The following ELAPOR1 variants were observed in gnomAD, a reference collection of about 807,000 sequenced individuals.
The protein encoded by ELAPOR1 is endosome/lysosome-associated apoptosis and autophagy regulator 1.
ELAPOR1 carries 77 observed loss-of-function variants against 119.7 expected under a neutral mutation model. The observed-to-expected ratio is 0.64, with a 90% CI of 0.54 to 0.78. The LOEUF (loss-of-function observed/expected upper bound fraction) is 0.78. Among genes scored for constraint, ELAPOR1 ranks in the 30% least tolerant of loss-of-function variants. The pLI is 0.00. For synonymous variants in ELAPOR1, 481 were observed against 487.2 expected, an observed-to-expected ratio of 0.99 and a Z score of 0.17; for missense variants, 1,115 against 1,270.4, an observed-to-expected ratio of 0.88 and a Z score of 1.86.
At chr1:109,116,435 C>T (rs1306568105) in intron 1 of ELAPOR1, among the ~76,000 whole-genome samples, 2 of 152,212 alleles carry the variant, frequency 1.3e-5, no homozygotes, top group Non-Finnish European at 2.9e-5. Flanking sequence ...TAGATCCACA[C>T]CCCATGCCAG....
chr1:109,171,306 T>C (rs758633309), intron 3 of ELAPOR1, among the ~76,000 whole-genome samples: 32 of 152,010 alleles, frequency 2.1e-4, no homozygotes, highest in Non-Finnish European at 2.5e-4. Flanking sequence ...CCAGCCCTTT[T>C]TGAGGCCGAG....
intron 8 of ELAPOR1, chr1:109,187,879 C>T (rs975582285): frequency 5.5e-6 from 6 of 1,100,712 alleles, no homozygotes; most frequent in East Asian, 5.4e-5. Context: ...ACAGTGGAAT[C>T]GGAGCTTTCT....
intron 7 of ELAPOR1, among the ~76,000 whole-genome samples, 154 bp downstream of exon 7, chr1:109,173,991 C>A (rs1652083605): frequency 6.9e-6 from 1 of 144,162 alleles, no homozygotes; most frequent in Admixed American, 7.0e-5. Context: ...CTTGCCAATC[C>A]ATATATCCAT....
chr1:109,125,364 G>A (rs1429601192), intron 1 of ELAPOR1, among the ~76,000 whole-genome samples: 1 of 150,824 alleles, frequency 6.6e-6, no homozygotes, highest in Non-Finnish European at 1.5e-5. Context: ...GAACCAACAT[G>A]CCTGGCCAAG....
chr1:109,141,497 G>A (rs968250088), intron 1 of ELAPOR1, among the ~76,000 whole-genome samples: 1 of 151,728 alleles, frequency 6.6e-6, no homozygotes, highest in African/African-American at 2.4e-5. Context: ...TCCTGACATC[G>A]TGATCTGCCC....
At chr1:109,120,593 A>G (rs1648342426) in intron 1 of ELAPOR1, among the ~76,000 whole-genome samples, 1 of 152,008 alleles carries the variant, frequency 6.6e-6, no homozygotes, top group Non-Finnish European at 1.5e-5. Context: ...TTTATAAATT[A>G]CCTAGTCTAT....
chr1:109,170,723 C>T lies in ELAPOR1; in HGVS notation c.468-1143C>T, dbSNP rs78523777. Among the ~76,000 whole-genome samples the T allele has an allele frequency of 8.0e-3, 1,215 of 152,300 alleles. 17 individuals carry two copies. Among genetic ancestry groups the T allele is most frequent in the African/African-American group, 0.022 (921 of 41,558 alleles). On this transcript the variant is annotated intron_variant, in intron 3 of 21. Coordinates refer to ENST00000369939, the MANE Select transcript of ELAPOR1 (RefSeq NM_020775.5). ...GAAGCAAGGGAGTGCCATGGTCAGACGTCTATTCTGGAGGATCTGTCCGCT... is the reference window on the plus strand; with the variant it reads ...GAAGCAAGGGAGTGCCATGGTCAGATGTCTATTCTGGAGGATCTGTCCGCT...
chr1:109,124,447 A>G (rs1435320622), intron 1 of ELAPOR1, among the ~76,000 whole-genome samples: 3 of 152,190 alleles, frequency 2.0e-5, no homozygotes, highest in Non-Finnish European at 4.4e-5. Flanking sequence ...ATATAATATA[A>G]TTTATATAAC....
At chr1:109,116,970 CG>C (rs1345604407) in intron 1 of ELAPOR1, among the ~76,000 whole-genome samples, 1 of 152,184 alleles carries the variant, frequency 6.6e-6, no homozygotes, top group African/African-American at 2.4e-5. Context: ...GGACTGCAGG[CG>C]TGAGTCACTG....
chr1:109,148,149 A>T (rs1464585736), intron 1 of ELAPOR1, among the ~76,000 whole-genome samples: 2 of 129,756 alleles, frequency 1.5e-5, no homozygotes, highest in Non-Finnish European at 3.3e-5. Flanking sequence ...TTTTATTATT[A>T]TTTTTTTGAC....
intron 8 of ELAPOR1, among the ~76,000 whole-genome samples, chr1:109,185,783 A>C (rs1221623730): frequency 6.6e-6 from 1 of 151,708 alleles, no homozygotes; most frequent in African/African-American, 2.4e-5. Context: ...AGGCAACCAG[A>C]GGGATGTGCA....
At chr1:109,202,671 C>T (rs533872559) in intron 21 of ELAPOR1, among the ~76,000 whole-genome samples, 2 of 152,268 alleles carry the variant, frequency 1.3e-5, no homozygotes, top group East Asian at 3.9e-4. Flanking sequence ...GAACTCCTAA[C>T]CTCAGGTGAT....
chr1:109,198,474 C>T, intron 17 of ELAPOR1, 99 bp from the exon 18 acceptor site: 4 of 1,092,942 alleles, frequency 3.7e-6, no homozygotes, highest in Non-Finnish European at 4.0e-6. Context: ...GTCCTGACTT[C>T]CCCAGCAAGG....
chr1:109,162,892 T>G (rs1427803045), intron 2 of ELAPOR1, among the ~76,000 whole-genome samples: 1 of 152,232 alleles, frequency 6.6e-6, no homozygotes, highest in African/African-American at 2.4e-5. Flanking sequence ...GATGTGCACA[T>G]GCAGTGTGAA....
rs751739164 is a variant in ELAPOR1, at chr1:109,189,576, C to A, written c.1349-16C>A. 1.6e-5 allele frequency: 25 copies of A among 1,611,768 alleles called. No homozygotes were observed. Among genetic ancestry groups the A allele is most frequent in the Admixed American group, 8.3e-5 (5 of 59,994 alleles). On this transcript the variant is annotated splice_polypyrimidine_tract_variant and intron_variant, in intron 10 of 21. Transcript: ENST00000369939. ...CCCAAGAGCACAAGGCATTAACTCT[C>A]CTCTTTCCTTTTCAGGCTGGGAGGT...
chr1:109,202,965 T>C lies in ELAPOR1; in HGVS notation c.2995T>C (p.Ser999Pro). 1 of 1,613,808 alleles carries C rather than the reference T, an allele frequency of 6.2e-7. No individual in the cohort carries two copies. The highest frequency in any genetic ancestry group is 8.5e-7 in the Non-Finnish European group (1 of 1,179,918). The change falls in exon 22 of 22, where the codon TCA becomes CCA. Residue 999 changes from serine to proline, a missense_variant. By Grantham distance (74) the Ser-to-Pro change is moderately conservative. Transcript: ENST00000369939. Reference protein sequence around the residue: ...TSKRTPDGFDSVPLKTSSGGL... With the variant: ...TSKRTPDGFDPVPLKTSSGGL... ...TCAGAGGACTCCTGATGGATTTGAC[T>C]CAGTGCCGCTGAAGACATCCTCAGG... is the stretch of plus-strand genomic sequence containing the variant.
chr1:109,183,756 A>G (rs909744812), intron 7 of ELAPOR1, among the ~76,000 whole-genome samples: 2 of 151,996 alleles, frequency 1.3e-5, no homozygotes, highest in African/African-American at 4.8e-5. Context: ...AGCTGGGACT[A>G]TAGGCCTGCA....
intron 8 of ELAPOR1, among the ~76,000 whole-genome samples, chr1:109,185,912 TGTGCCAGGCACG>T (rs1419062503): frequency 1.3e-5 from 2 of 152,210 alleles, no homozygotes; most frequent in Non-Finnish European, 2.9e-5. Context: ...GGAGCGACTC[TGTGCCAGGCACG>T]GTGCTAGGTG....
At position 109,164,617 on chromosome 1, in the gene ELAPOR1, C is replaced by T. The variant is rs752113916; in HGVS notation, c.393C>T (p.Pro131=). ...GGTTTGATGAGTGGGATGAGCTGCC[C>T]CATGGCTTTGCCAGCCTCTCAGCCA... The part of the protein sequence containing the change: ...GIRFDEWDEL[P]HGFASLSANM... Residue 131 remains proline (P), a synonymous_variant, in exon 3 of 22, where the codon CCC becomes CCT. Transcript: ENST00000369939. The T allele has an allele frequency of 3.1e-6, 5 of 1,614,260 alleles. No homozygotes were observed. Among genetic ancestry groups the T allele is most frequent in the African/African-American group, 1.3e-5 (1 of 75,078 alleles).
Sources: gnomAD v4.1 joint callset for allele counts (sites outside exome capture counted in the v4.1 genomes callset) on GRCh38, gnomAD v4.1.1 for gene constraint, MANE v1.5 for transcripts, NCBI Gene and HGNC (gene_info 2026-07-23, HGNC 2026-07-21) for gene names.